Variants in UNC5D observed in about 807,000 individuals in gnomAD.
UNC5D encodes the protein netrin receptor UNC5D.
A neutral mutation model predicts 105.4 loss-of-function variants in UNC5D; 39 were observed. The observed-to-expected ratio is 0.37, with a 90% CI of 0.29 to 0.48. The LOEUF is 0.48. UNC5D is among the 20% of genes least tolerant of loss of function. The pLI is 0.98. For missense variants in UNC5D, 991 were observed against 1,202.4 expected, an observed-to-expected ratio of 0.82 and a Z score of 2.60; for synonymous variants, 452 against 450.4, an observed-to-expected ratio of 1.00 and a Z score of -0.04.
intron 1 of UNC5D, among the ~76,000 whole-genome samples, chr8:35,401,872 G>A (rs923924211): frequency 6.6e-6 from 1 of 152,196 alleles, no homozygotes. Flanking sequence ...GCATTATCCT[G>A]TGAAAATACT....
At chr8:35,630,270 A>G (rs1462206011) in intron 4 of UNC5D, among the ~76,000 whole-genome samples, 1 of 152,232 alleles carries the variant, frequency 6.6e-6, no homozygotes, top group Non-Finnish European at 1.5e-5. Flanking sequence ...ATACTCTTTT[A>G]TCCAATGATC....
At chr8:35,452,196 C>G (rs1442065867) in intron 1 of UNC5D, among the ~76,000 whole-genome samples, 2 of 152,152 alleles carry the variant, frequency 1.3e-5, no homozygotes, top group Admixed American at 6.5e-5. Context: ...TTTATTAATT[C>G]TTTAGAATAT....
intron 1 of UNC5D, among the ~76,000 whole-genome samples, chr8:35,330,208 G>A (rs1810503775): frequency 6.6e-6 from 1 of 152,126 alleles, no homozygotes; most frequent in Middle Eastern, 3.2e-3. Context: ...TAGTTTCCTT[G>A]TCTAATGCAA....
Position 35,386,189 on chromosome 8 carries a change from TAA to T in UNC5D, c.103+150304_103+150305del, listed in dbSNP as rs368102432. Among the ~76,000 whole-genome samples, 100 of 152,318 alleles carry T rather than the reference TAA, an allele frequency of 6.6e-4. 2 individuals carry two copies. The South Asian group carries it at 0.01, about 15-fold the overall frequency. On this transcript the variant is annotated intron_variant, in intron 1 of 16. Coordinates refer to ENST00000404895, the MANE Select transcript of UNC5D (RefSeq NM_080872.4). Reference sequence around the variant, plus strand: ...AATTTCTAGGAGTAAGAAGTATTCATAAAGTCTCCTGTCACTGATTTTTTTAA... The same window carrying T: ...AATTTCTAGGAGTAAGAAGTATTCATAGTCTCCTGTCACTGATTTTTTTAA...
chr8:35,340,498 A>G (rs1811383055), intron 1 of UNC5D, among the ~76,000 whole-genome samples: 1 of 152,190 alleles, frequency 6.6e-6, no homozygotes. Context: ...GTTATAGAGT[A>G]TGGATGAAAA....
chr8:35,397,707 C>T (rs900832686), intron 1 of UNC5D, among the ~76,000 whole-genome samples: 2 of 152,150 alleles, frequency 1.3e-5, no homozygotes, highest in African/African-American at 4.8e-5. Flanking sequence ...TCCTCTTCTG[C>T]CTCCTGATTC....
At chr8:35,645,332 T>G (rs1208633516) in intron 4 of UNC5D, among the ~76,000 whole-genome samples, 1 of 152,190 alleles carries the variant, frequency 6.6e-6, no homozygotes, top group Admixed American at 6.5e-5. Context: ...TTGCTCTGAT[T>G]AATTAATTAT....
chr8:35,728,433 T>A (rs1178155247), intron 10 of UNC5D, among the ~76,000 whole-genome samples: 2 of 152,156 alleles, frequency 1.3e-5, no homozygotes, highest in Non-Finnish European at 2.9e-5. Context: ...AGCACTAACG[T>A]TGAAAACTAA....
chr8:35,717,426 C>T (rs1182977958), intron 8 of UNC5D, among the ~76,000 whole-genome samples: 1 of 152,114 alleles, frequency 6.6e-6, no homozygotes, highest in Non-Finnish European at 1.5e-5. Context: ...CCTTTGGACA[C>T]ATTGATGACA....
At chr8:35,691,199 A>G (rs1826365841) in intron 7 of UNC5D, among the ~76,000 whole-genome samples, 1 of 152,190 alleles carries the variant, frequency 6.6e-6, no homozygotes. Context: ...AAGAAAATAA[A>G]TACGGCTGGC....
intron 7 of UNC5D, among the ~76,000 whole-genome samples, chr8:35,703,592 C>G (rs549361979): frequency 1.4e-4 from 21 of 152,224 alleles, no homozygotes; most frequent in Non-Finnish European, 2.8e-4. Context: ...TCTTTCAGAG[C>G]TATACCTGAT....
chr8:35,268,445 T>C (rs1236728811), intron 1 of UNC5D, among the ~76,000 whole-genome samples: 2 of 152,102 alleles, frequency 1.3e-5, no homozygotes, highest in Non-Finnish European at 1.5e-5. Context: ...AAACATAATT[T>C]AAAAACAGAG....
rs761554263 is a variant in UNC5D, at chr8:35,726,335, C to G, written c.1487C>G (p.Ser496Cys). ...TCGTTCATGGTTTCCCTGGGAGTGT[C>G]TGAGAGAGCTGAGTACCACGGCAAG... Reference protein sequence around the residue: ...QSSFMVSLGVSERAEYHGKNH... With the variant: ...QSSFMVSLGVCERAEYHGKNH... The change falls in exon 10 of 17, where the codon TCT becomes TGT. Residue 496 changes from serine to cysteine, a missense_variant. By Grantham distance (112) the Ser-to-Cys change is moderately radical. Around this residue, in one of 3 missense-constraint regions of UNC5D, gnomAD observed 944 missense variants for 1,131.6 expected, o/e 0.83. Transcript: ENST00000404895. 7 of 1,613,954 alleles carry G rather than the reference C, an allele frequency of 4.3e-6. No homozygotes were observed. Among genetic ancestry groups the G allele is most frequent in the Admixed American group, 1.7e-5 (1 of 59,980 alleles).
intron 7 of UNC5D, among the ~76,000 whole-genome samples, chr8:35,697,747 A>C (rs980105467): frequency 2.0e-5 from 3 of 152,132 alleles, no homozygotes; most frequent in African/African-American, 7.2e-5. Context: ...ATAGGTAAAC[A>C]AGACGGATGT....
At chr8:35,615,804 A>G (rs1259768931) in intron 4 of UNC5D, among the ~76,000 whole-genome samples, 1 of 152,194 alleles carries the variant, frequency 6.6e-6, no homozygotes, top group Non-Finnish European at 1.5e-5. Flanking sequence ...GGCATCTAAA[A>G]CTATGGTAGA....
chr8:35,484,195 A>C (rs1205532389), intron 1 of UNC5D, among the ~76,000 whole-genome samples: 1 of 152,126 alleles, frequency 6.6e-6, no homozygotes, highest in Non-Finnish European at 1.5e-5. Flanking sequence ...CAAAGAAAAA[A>C]ATTAAGAAGG....
intron 14 of UNC5D, 105 bp downstream of exon 14, chr8:35,759,574 T>C: frequency 2.3e-6 from 3 of 1,305,490 alleles, no homozygotes; most frequent in Non-Finnish European, 3.2e-6. Flanking sequence ...CTTTAAAGGA[T>C]GGATTTCACC....
intron 1 of UNC5D, among the ~76,000 whole-genome samples, chr8:35,470,039 A>G (rs1456699832): frequency 1.3e-5 from 2 of 152,198 alleles, no homozygotes; most frequent in Admixed American, 6.6e-5. Flanking sequence ...GTCTCAATAC[A>G]TACTTTTTAA....
intron 1 of UNC5D, among the ~76,000 whole-genome samples, chr8:35,406,389 C>A (rs1804802602): frequency 6.6e-6 from 1 of 152,072 alleles, no homozygotes; most frequent in Non-Finnish European, 1.5e-5. Context: ...TGAAAATGAA[C>A]TTTTCTATGA....
Sources: allele counts gnomAD v4.1 joint callset (sites outside exome capture counted in the v4.1 genomes callset), GRCh38; gene constraint gnomAD v4.1.1; regional missense constraint gnomAD v4.1.1; transcripts MANE v1.5; gene names NCBI Gene and HGNC (gene_info 2026-07-23, HGNC 2026-07-21).